LRMDA: variants seen among roughly 807,000 people sequenced by gnomAD.
The protein encoded by LRMDA is leucine rich melanocyte differentiation associated.
Under a neutral mutation model 29.8 loss-of-function variants are expected in LRMDA, and 18 were observed. The ratio of observed to expected loss-of-function variants is 0.60; its 90% CI spans 0.42 to 0.90. LRMDA has a LOEUF of 0.90. LRMDA is among the 40% of genes least tolerant of loss of function. The pLI, the probability that LRMDA is intolerant of heterozygous loss-of-function variation, is 0.00. For synonymous variants in LRMDA, 125 were observed against 109.4 expected (o/e 1.14, Z -0.89); for missense variants, 273 against 273.9 (o/e 1.00, Z 0.02).
chr10:76,261,803 C>T (rs139559884), intron 5 of LRMDA, among the ~76,000 whole-genome samples: 436 of 152,168 alleles, frequency 2.9e-3, no homozygotes, highest in African/African-American at 9.6e-3. Flanking sequence ...AGGATGAACC[C>T]GTCATATAAA....
At chr10:75,567,922 G>C (rs1016014207) in intron 2 of LRMDA, among the ~76,000 whole-genome samples, 1 of 152,296 alleles carries the variant, frequency 6.6e-6, no homozygotes, top group Non-Finnish European at 1.5e-5. Flanking sequence ...GTTGTATTTG[G>C]TGTCTTCAAA....
chr10:75,998,984 C>T (rs972904201), intron 2 of LRMDA, among the ~76,000 whole-genome samples: 6 of 152,154 alleles, frequency 3.9e-5, no homozygotes, highest in African/African-American at 1.4e-4. Context: ...CATTCACTTG[C>T]TCACTCACCA....
chr10:76,006,601 A>G (rs1366222870), intron 2 of LRMDA, among the ~76,000 whole-genome samples: 1 of 152,182 alleles, frequency 6.6e-6, no homozygotes, highest in Non-Finnish European at 1.5e-5. Context: ...ATCTAGGGGA[A>G]AAAAATCTTT....
chr10:76,309,696 G>A (rs1393512468), intron 5 of LRMDA, among the ~76,000 whole-genome samples: 1 of 152,070 alleles, frequency 6.6e-6, no homozygotes, highest in African/African-American at 2.4e-5. Context: ...ACAAGTTAGG[G>A]GAGGGTCAGA....
chr10:76,074,554 C>G (rs936779490), intron 5 of LRMDA, among the ~76,000 whole-genome samples: 14 of 152,138 alleles, frequency 9.2e-5, no homozygotes, highest in Non-Finnish European at 1.6e-4. Context: ...CCACCCCCCT[C>G]CCAGTTATTA....
rs114370269 is a variant in LRMDA at position 76,214,703 on chromosome 10, C to T, written c.517-109698C>T. ...TACCTGGTAAGTGATAACTACATTTCTGAAGACTTATTGACTAGATAGTTA... is the reference window on the plus strand; with the variant it reads ...TACCTGGTAAGTGATAACTACATTTTTGAAGACTTATTGACTAGATAGTTA... On this transcript the variant is annotated intron_variant, in intron 5 of 6. Transcript: ENST00000611255. Among the ~76,000 whole-genome samples, 949 of 152,244 alleles carry T rather than the reference C, an allele frequency of 6.2e-3. 15 individuals carry two copies. Among genetic ancestry groups the T allele is most frequent in the African/African-American group, 0.021 (887 of 41,532 alleles).
At chr10:76,268,735 G>T (rs1435908259) in intron 5 of LRMDA, among the ~76,000 whole-genome samples, 1 of 152,136 alleles carries the variant, frequency 6.6e-6, no homozygotes, top group Admixed American at 6.5e-5. Flanking sequence ...GAGTAAATCA[G>T]CTCTGTCCTT....
chr10:75,710,262 C>G (rs1295451682), intron 2 of LRMDA, among the ~76,000 whole-genome samples: 2 of 152,130 alleles, frequency 1.3e-5, no homozygotes, highest in African/African-American at 4.8e-5. Flanking sequence ...CCCAGCAGGC[C>G]CCAAAGTGTC....
intron 5 of LRMDA, among the ~76,000 whole-genome samples, chr10:76,240,303 C>A (rs554188742): frequency 6.6e-5 from 10 of 151,222 alleles, no homozygotes; most frequent in Admixed American, 5.3e-4. Context: ...GAATTGGAGA[C>A]CATTATTCTA....
intron 2 of LRMDA, among the ~76,000 whole-genome samples, chr10:75,819,567 C>A (rs534294978): frequency 1.3e-5 from 2 of 152,256 alleles, no homozygotes; most frequent in East Asian, 3.9e-4. Flanking sequence ...GGCATATGTG[C>A]CAATTATCAG....
At chr10:76,317,040 A>G (rs1318558317) in intron 5 of LRMDA, among the ~76,000 whole-genome samples, 4 of 152,186 alleles carry the variant, frequency 2.6e-5, no homozygotes, top group Non-Finnish European at 5.9e-5. Context: ...ACAGTGAAGC[A>G]GGGGAGAATA....
intron 2 of LRMDA, among the ~76,000 whole-genome samples, chr10:75,621,915 G>A (rs552669463): frequency 6.6e-6 from 1 of 152,320 alleles, no homozygotes; most frequent in African/African-American, 2.4e-5. Context: ...TGAGCAGATT[G>A]AGTGTTACTT....
At chr10:75,711,707 G>A (rs1251299648) in intron 2 of LRMDA, among the ~76,000 whole-genome samples, 1 of 152,086 alleles carries the variant, frequency 6.6e-6, no homozygotes, top group Non-Finnish European at 1.5e-5. Flanking sequence ...TATGAGTTTG[G>A]TGGGTGCTCA....
chr10:76,419,498 T>C (rs1842051876), intron 6 of LRMDA, among the ~76,000 whole-genome samples: 1 of 152,082 alleles, frequency 6.6e-6, no homozygotes, highest in Non-Finnish European at 1.5e-5. Context: ...TACTTCAATT[T>C]TGACAATTGT....
chr10:75,854,476 G>C (rs1378830878), intron 2 of LRMDA, among the ~76,000 whole-genome samples: 3 of 152,068 alleles, frequency 2.0e-5, no homozygotes, highest in African/African-American at 7.2e-5. Context: ...GAAAAGGAAT[G>C]TTTATATTTG....
At chr10:76,134,948 G>T (rs1199414842) in intron 5 of LRMDA, among the ~76,000 whole-genome samples, 1 of 152,086 alleles carries the variant, frequency 6.6e-6, no homozygotes, top group East Asian at 1.9e-4. Flanking sequence ...AATGGAAAAA[G>T]GACTCAATAC....
At chr10:76,472,288 A>G (rs1400100849) in intron 6 of LRMDA, among the ~76,000 whole-genome samples, 2 of 151,832 alleles carry the variant, frequency 1.3e-5, no homozygotes, top group Non-Finnish European at 3.0e-5. Flanking sequence ...TATGTAGAAT[A>G]TAACACATTG....
intron 2 of LRMDA, among the ~76,000 whole-genome samples, chr10:75,967,569 T>C (rs550595668): frequency 2.6e-5 from 4 of 152,362 alleles, no homozygotes; most frequent in Admixed American, 1.3e-4. Context: ...ATGGTAATTA[T>C]AATTTGATAA....
intron 6 of LRMDA, among the ~76,000 whole-genome samples, chr10:76,441,120 C>G (rs138760968): frequency 6.6e-6 from 1 of 152,046 alleles, no homozygotes; most frequent in Non-Finnish European, 1.5e-5. Flanking sequence ...GAACACACAC[C>G]AGATGGTGCA....
Sources: gnomAD v4.1 joint callset for allele counts (sites outside exome capture counted in the v4.1 genomes callset) on GRCh38, gnomAD v4.1.1 for gene constraint, MANE v1.5 for transcripts, NCBI Gene and HGNC (gene_info 2026-07-23, HGNC 2026-07-21) for gene names.